NSMCE2: variants seen among roughly 807,000 people sequenced by gnomAD.
NSMCE2 encodes the protein NSE2 SUMO ligase component of SMC5/6 complex.
Under a neutral mutation model 23.8 loss-of-function variants are expected in NSMCE2, and 24 were observed. The ratio of observed to expected loss-of-function variants is 1.01; its 90% CI spans 0.73 to 1.42. The LOEUF (loss-of-function observed/expected upper bound fraction) is 1.42. NSMCE2 is among the 40% of genes most tolerant of loss of function. NSMCE2 has a pLI of 0.00. For synonymous variants in NSMCE2, 92 were observed against 94.1 expected, an observed-to-expected ratio of 0.98 and a Z score of 0.13; for missense variants, 284 against 296.5, an observed-to-expected ratio of 0.96 and a Z score of 0.31.
At chr8:125,160,969 A>G (rs773098601) in intron 4 of NSMCE2, among the ~76,000 whole-genome samples, 14 of 152,258 alleles carry the variant, frequency 9.2e-5, no homozygotes, top group Admixed American at 3.3e-4. Flanking sequence ...GCAGGTTGTC[A>G]GCTCTGGTTC....
At chr8:125,152,793 C>T (rs1029966505) in intron 4 of NSMCE2, among the ~76,000 whole-genome samples, 4 of 152,066 alleles carry the variant, frequency 2.6e-5, no homozygotes, top group Non-Finnish European at 4.4e-5. Flanking sequence ...CGCGGTAGCT[C>T]ACGCCTGTAA....
At chr8:125,122,172 C>CAA (rs796879544) in intron 3 of NSMCE2, among the ~76,000 whole-genome samples, 115 of 45,724 alleles carry the variant, frequency 2.5e-3, no homozygotes, top group Admixed American at 3.4e-3. Context: ...CTGGCTGAGC[C>CAA]AAAAAAAAAA....
At chr8:125,281,132 G>T (rs1176414586) in intron 5 of NSMCE2, among the ~76,000 whole-genome samples, 1 of 152,180 alleles carries the variant, frequency 6.6e-6, no homozygotes, top group African/African-American at 2.4e-5. Flanking sequence ...GCCACTGACT[G>T]TCTTTCTTCC....
At chr8:125,153,890 GT>G (rs1821171800) in intron 4 of NSMCE2, among the ~76,000 whole-genome samples, 1 of 152,054 alleles carries the variant, frequency 6.6e-6, no homozygotes, top group African/African-American at 2.4e-5. Context: ...CAAGTATTTT[GT>G]TTTGCTCACT....
Position 125,290,962 on chromosome 8 carries a change from G to A in NSMCE2, c.419-66257G>A, listed in dbSNP as rs1240050426. 1.1e-4 allele frequency among the ~76,000 whole-genome samples: 17 copies of A among 152,180 alleles called. 1 individual carries two copies. The highest frequency in any genetic ancestry group is 6.5e-4 in the Admixed American group (10 of 15,278). ...AATTCTCTAGTACCTAGCAGTGCCC[G>A]ACAATAGGCATTCAGTAAATATTCA... On this transcript the variant is annotated intron_variant, in intron 5 of 7. Coordinates refer to ENST00000287437, the MANE Select transcript of NSMCE2 (RefSeq NM_173685.4).
chr8:125,251,189 G>A (rs546175163), intron 5 of NSMCE2, among the ~76,000 whole-genome samples: 178 of 152,240 alleles, frequency 1.2e-3, no homozygotes, highest in Non-Finnish European at 1.9e-3. Context: ...GCAGATAAAT[G>A]TCAATAGCTT....
At chr8:125,193,956 A>G (rs1823479990) in intron 5 of NSMCE2, among the ~76,000 whole-genome samples, 1 of 152,154 alleles carries the variant, frequency 6.6e-6, no homozygotes, top group South Asian at 2.1e-4. Context: ...TGTCCTTGAA[A>G]TATCAGAAAG....
chr8:125,161,888 A>G (rs1396342052), intron 4 of NSMCE2, among the ~76,000 whole-genome samples: 1 of 151,664 alleles, frequency 6.6e-6, no homozygotes, highest in Non-Finnish European at 1.5e-5. Flanking sequence ...CTTGCTTTTT[A>G]CCTTACCCTT....
intron 3 of NSMCE2, among the ~76,000 whole-genome samples, chr8:125,120,824 C>G (rs1819229233): frequency 6.6e-6 from 1 of 152,170 alleles, no homozygotes; most frequent in Admixed American, 6.5e-5. Context: ...TGCATGTGAC[C>G]AAGTCGCAAG....
At chr8:125,112,431 G>A (rs753926720) in intron 3 of NSMCE2, among the ~76,000 whole-genome samples, 1 of 152,152 alleles carries the variant, frequency 6.6e-6, no homozygotes, top group South Asian at 2.1e-4. Context: ...AGAGATATCT[G>A]CCTTCTCATA....
chr8:125,345,099 A>G (rs1272249453), intron 5 of NSMCE2, among the ~76,000 whole-genome samples: 1 of 150,426 alleles, frequency 6.6e-6, no homozygotes, highest in Non-Finnish European at 1.5e-5. Context: ...TTCTGGGGAC[A>G]TAGATGGTTT....
intron 5 of NSMCE2, among the ~76,000 whole-genome samples, chr8:125,355,064 T>C (rs1015329494): frequency 2.0e-5 from 3 of 152,218 alleles, no homozygotes; most frequent in Non-Finnish European, 4.4e-5. Flanking sequence ...CCCCAAGATA[T>C]TTCATCATGC....
In NSMCE2 at chr8:125,125,392, C is replaced by T. The variant is rs1211410577; in HGVS notation, c.157+22905C>T. Among the ~76,000 whole-genome samples the T allele has an allele frequency of 3.3e-5, 5 of 152,178 alleles. No individual in the cohort carries two copies. In the East Asian group the frequency reaches 9.6e-4, roughly 29 times the overall value. ...GTAAGAGAAAATGCTTCAAGCACTT[C>T]CATCTATTATCACAGAGCGGGTATT... On this transcript the variant is annotated intron_variant, in intron 3 of 7. Coordinates refer to ENST00000287437, the MANE Select transcript of NSMCE2 (RefSeq NM_173685.4).
At chr8:125,139,866 T>C (rs1820270179) in intron 3 of NSMCE2, among the ~76,000 whole-genome samples, 1 of 152,250 alleles carries the variant, frequency 6.6e-6, no homozygotes, top group African/African-American at 2.4e-5. Flanking sequence ...TCTGTTCACC[T>C]ACACTTACTG....
At chr8:125,109,008 A>C (rs925126384) in intron 3 of NSMCE2, among the ~76,000 whole-genome samples, 1 of 152,234 alleles carries the variant, frequency 6.6e-6, no homozygotes, top group Non-Finnish European at 1.5e-5. Context: ...AGTACTGAGG[A>C]AGGAAAGACT....
At chr8:125,107,795 A>T (rs1015660719) in intron 3 of NSMCE2, among the ~76,000 whole-genome samples, 2 of 152,202 alleles carry the variant, frequency 1.3e-5, no homozygotes, top group Admixed American at 6.5e-5. Context: ...GCACTTTGGG[A>T]GGCCAACCTG....
intron 5 of NSMCE2, among the ~76,000 whole-genome samples, chr8:125,305,227 T>G (rs893527214): frequency 3.9e-5 from 6 of 152,260 alleles, no homozygotes; most frequent in African/African-American, 1.4e-4. Context: ...AGGAATTTAA[T>G]ACATTATTTG....
chr8:125,338,284 G>GAAA (rs11411074), intron 5 of NSMCE2, among the ~76,000 whole-genome samples: 15 of 144,550 alleles, frequency 1.0e-4, no homozygotes, highest in African/African-American at 3.3e-4. Context: ...ATGTTGGGTG[G>GAAA]AAAAAAAAAA....
At chr8:125,286,725 T>C (rs904096668) in intron 5 of NSMCE2, among the ~76,000 whole-genome samples, 1 of 151,640 alleles carries the variant, frequency 6.6e-6, no homozygotes, top group African/African-American at 2.4e-5. Context: ...TAAGCCTTGT[T>C]TATAGCATCT....
Sources: gnomAD v4.1 joint callset for allele counts (sites outside exome capture counted in the v4.1 genomes callset) on GRCh38, gnomAD v4.1.1 for gene constraint, MANE v1.5 for transcripts, NCBI Gene and HGNC (gene_info 2026-07-23, HGNC 2026-07-21) for gene names.